Variants in ANKS1A observed in about 807,000 individuals in gnomAD.
ANKS1A encodes the protein ankyrin repeat and sterile alpha motif domain containing 1A, also known as ankyrin repeat and SAM domain-containing protein 1A.
ANKS1A carries 55 observed loss-of-function variants against 120.3 expected under a neutral mutation model. That is an observed-to-expected ratio of 0.46 (90% CI 0.37 to 0.57). The LOEUF (loss-of-function observed/expected upper bound fraction) is 0.57, where lower values mean the gene tolerates loss of function less well. ANKS1A is among the 20% of genes least tolerant of loss of function. ANKS1A has a pLI of 0.00. For missense variants in ANKS1A, 1,123 were observed against 1,480.3 expected (o/e 0.76, Z 3.96); for synonymous variants, 590 against 604.7 (o/e 0.98, Z 0.36).
intron 1 of ANKS1A, among the ~76,000 whole-genome samples, chr6:34,894,189 C>T (rs747013030): frequency 7.2e-5 from 11 of 152,076 alleles, no homozygotes; most frequent in Non-Finnish European, 1.0e-4. Flanking sequence ...GTTCTGGGCA[C>T]GTAGCGGGCA....
chr6:35,066,190 G>A (rs774637028), intron 13 of ANKS1A, among the ~76,000 whole-genome samples: 4 of 152,238 alleles, frequency 2.6e-5, no homozygotes, highest in African/African-American at 4.8e-5. Context: ...TGGTGACATC[G>A]TGTCAGAGAG....
intron 11 of ANKS1A, among the ~76,000 whole-genome samples, chr6:35,035,521 G>T (rs914096620): frequency 6.6e-6 from 1 of 152,162 alleles, no homozygotes; most frequent in Non-Finnish European, 1.5e-5. Flanking sequence ...GAGCTTATAG[G>T]TGGGTAAATG....
intron 1 of ANKS1A, among the ~76,000 whole-genome samples, chr6:34,923,172 G>T (rs539974835): frequency 3.3e-5 from 5 of 152,244 alleles, no homozygotes; most frequent in Non-Finnish European, 7.3e-5. Flanking sequence ...CAGATTTTGT[G>T]ATTGAATACA....
intron 3 of ANKS1A, among the ~76,000 whole-genome samples, chr6:34,978,623 T>C (rs1344126308): frequency 6.6e-6 from 1 of 151,846 alleles, no homozygotes; most frequent in African/African-American, 2.4e-5. Context: ...CTGACCAACA[T>C]AGAGAAACCC....
chr6:34,940,771 G>A (rs949709000), intron 1 of ANKS1A, among the ~76,000 whole-genome samples: 3 of 151,856 alleles, frequency 2.0e-5, no homozygotes, highest in African/African-American at 7.3e-5. Flanking sequence ...AGCTGGGCGT[G>A]GTGGCGGGTG....
At chr6:35,054,221 G>T (rs1776097888) in intron 12 of ANKS1A, 56 bp downstream of exon 12, 1 of 1,547,376 alleles carries the variant, frequency 6.5e-7, no homozygotes, top group Non-Finnish European at 8.9e-7. Flanking sequence ...GCTCTTTTCT[G>T]GCTCAGGCTT....
intron 11 of ANKS1A, among the ~76,000 whole-genome samples, chr6:35,038,838 T>C (rs759271527): frequency 1.3e-5 from 2 of 152,222 alleles, no homozygotes; most frequent in Non-Finnish European, 2.9e-5. Context: ...AACAAAGGGA[T>C]AGTTTTCATG....
chr6:34,939,694 CAG>C (rs1432370662), intron 1 of ANKS1A, among the ~76,000 whole-genome samples: 1 of 151,698 alleles, frequency 6.6e-6, no homozygotes, highest in East Asian at 1.9e-4. Flanking sequence ...GCCTAGATGA[CAG>C]AGTGAGATCC....
At chr6:35,028,155 T>G (rs942708508) in intron 11 of ANKS1A, among the ~76,000 whole-genome samples, 18 of 152,188 alleles carry the variant, frequency 1.2e-4, no homozygotes, top group African/African-American at 4.1e-4. Context: ...TCCTTTCCAC[T>G]TTGGATCTAG....
At chr6:35,027,321 C>T (rs1774680407) in intron 11 of ANKS1A, among the ~76,000 whole-genome samples, 2 of 152,160 alleles carry the variant, frequency 1.3e-5, no homozygotes. Context: ...ATCTTAAATA[C>T]ATCCTCTCAG....
intron 1 of ANKS1A, among the ~76,000 whole-genome samples, chr6:34,908,774 A>C (rs747367914): frequency 6.6e-6 from 1 of 152,074 alleles, no homozygotes; most frequent in Non-Finnish European, 1.5e-5. Flanking sequence ...TACAATAACA[A>C]CATGGCCCCA....
Position 34,985,896 on chromosome 6 carries a change from T to C in ANKS1A, c.1209+618T>C, listed in dbSNP as rs183483711. Among the ~76,000 whole-genome samples the C allele has an allele frequency of 2.6e-5, 4 of 152,368 alleles. No homozygotes were observed. In the East Asian group the frequency reaches 7.7e-4, roughly 29 times the overall value. On this transcript the variant is annotated intron_variant, in intron 8 of 23. Coordinates refer to ENST00000360359, the MANE Select transcript of ANKS1A (RefSeq NM_015245.3). The stretch of plus-strand genomic sequence containing the variant: ...TTCTCAAGGTCCATTTTCTCATCTT[T>C]CTGTTTCTTTCTCTAGTACAGATGC...
intron 23 of ANKS1A, among the ~76,000 whole-genome samples, chr6:35,087,959 C>T (rs1169693056): frequency 1.3e-5 from 2 of 152,222 alleles, no homozygotes; most frequent in African/African-American, 2.4e-5. Flanking sequence ...GAAGGCCTTC[C>T]GTAGAACCAA....
chr6:34,936,336 C>G (rs1308608886), intron 1 of ANKS1A, among the ~76,000 whole-genome samples: 1 of 152,168 alleles, frequency 6.6e-6, no homozygotes, highest in Non-Finnish European at 1.5e-5. Flanking sequence ...TGTGCCTGTC[C>G]TCACAGTGGA....
chr6:35,017,480 G>A lies in ANKS1A; in HGVS notation c.1431G>A (p.Arg477=), dbSNP rs763714155. ...VLVDGKTKDH[R]RSSSSRSQDS... ...CTCTCCGTCCACTCCAAGACCACAG[G>A]CGGAGCAGCAGCAGCCGGAGCCAGG... Residue 477 remains arginine, a synonymous_variant, in exon 11 of 24, where the codon AGG becomes AGA. Transcript: ENST00000360359. 6.2e-7 allele frequency: 1 copy of A among 1,602,456 alleles called. No individual in the cohort carries two copies. The highest frequency in any genetic ancestry group is 8.5e-7 in the Non-Finnish European group (1 of 1,173,594).
intron 16 of ANKS1A, 112 bp from the exon 17 acceptor site, chr6:35,080,882 G>C: frequency 1.5e-6 from 2 of 1,353,814 alleles, no homozygotes; most frequent in Non-Finnish European, 2.0e-6. Context: ...GCTCCCTGCT[G>C]CTTCTCCCGG....
intron 8 of ANKS1A, among the ~76,000 whole-genome samples, chr6:34,988,708 G>A (rs1297140880): frequency 6.6e-6 from 1 of 152,200 alleles, no homozygotes; most frequent in African/African-American, 2.4e-5. Context: ...GCTAATAAAT[G>A]GGAGTAGACC....
chr6:34,956,955 C>T (rs1473012953), intron 1 of ANKS1A, among the ~76,000 whole-genome samples: 1 of 152,180 alleles, frequency 6.6e-6, no homozygotes, highest in Non-Finnish European at 1.5e-5. Context: ...TTCAGCCCCT[C>T]CCCGTCCCTG....
rs147735961 is a variant in ANKS1A at position 35,077,036 on chromosome 6, C to T, written c.2185-1522C>T. ...AAACGTGGAAAGATGCTCATCCTCA[C>T]CTCTGGATGAGATGATCCTACTCCG... On this transcript the variant is annotated intron_variant, in intron 13 of 23. Transcript: ENST00000360359. Among the ~76,000 whole-genome samples the T allele has an allele frequency of 6.6e-4, 100 of 152,304 alleles. 4 individuals are homozygous for T. In the East Asian group the frequency reaches 0.018, roughly 27 times the overall value.
Sources: allele counts gnomAD v4.1 joint callset (sites outside exome capture counted in the v4.1 genomes callset), GRCh38; gene constraint gnomAD v4.1.1; transcripts MANE v1.5; gene names NCBI Gene and HGNC (gene_info 2026-07-23, HGNC 2026-07-21).